The following XPO6 variants were observed in gnomAD, a reference collection of about 807,000 sequenced individuals.
The protein encoded by XPO6 is exportin-6.
XPO6 carries 3 observed loss-of-function variants against 130.0 expected under a neutral mutation model. The ratio of observed to expected loss-of-function variants is 0.02; its 90% confidence interval spans 0.01 to 0.06. XPO6 has a LOEUF of 0.06. Among genes scored for constraint, XPO6 ranks in the 10% least tolerant of loss-of-function variants. The pLI is 1.00. For missense variants in XPO6, 970 were observed against 1,393.0 expected, an observed-to-expected ratio of 0.70 and a Z score of 4.83; for synonymous variants, 524 against 548.9, an observed-to-expected ratio of 0.95 and a Z score of 0.63.
chr16:28,181,043 A>G lies in XPO6; in HGVS notation c.4-12T>C. On this transcript the variant is annotated splice_polypyrimidine_tract_variant and intron_variant, in intron 1 of 23. Coordinates refer to ENST00000304658, the MANE Select transcript of XPO6 (RefSeq NM_015171.4). ...GCTTCTTCAGATGCCTAACAAAGGA[A>G]TTTGAAAAAAAATCAATAAGCTGCA... 2 of 1,602,066 alleles carry G rather than the reference A, an allele frequency of 1.2e-6. No homozygotes were observed.
chr16:28,165,053 CA>C (rs576523429), intron 6 of XPO6, among the ~76,000 whole-genome samples: 1 of 151,970 alleles, frequency 6.6e-6, no homozygotes, highest in Non-Finnish European at 1.5e-5. Context: ...CCCGTCTCTA[CA>C]AAAAATACAA....
At chr16:28,117,156 G>T in intron 15 of XPO6, 162 bp downstream of exon 15, 1 of 919,034 alleles carries the variant, frequency 1.1e-6, no homozygotes. Flanking sequence ...AATGCATGTA[G>T]GCTACAACTA....
intron 9 of XPO6, among the ~76,000 whole-genome samples, chr16:28,138,857 G>A (rs1237355921): frequency 6.6e-6 from 1 of 152,132 alleles, no homozygotes; most frequent in Non-Finnish European, 1.5e-5. Context: ...CACGCCTAAT[G>A]GTAGAACAAA....
intron 4 of XPO6, among the ~76,000 whole-genome samples, chr16:28,171,984 C>G (rs1006075139): frequency 1.3e-5 from 2 of 152,094 alleles, no homozygotes; most frequent in African/African-American, 4.8e-5. Flanking sequence ...GGAAATGACT[C>G]GTAATGCCAA....
At chr16:28,121,595 T>C in intron 14 of XPO6, 75 bp downstream of exon 14, 1 of 1,136,258 alleles carries the variant, frequency 8.8e-7, no homozygotes, top group Non-Finnish European at 1.3e-6. Context: ...CTGTTCCTTT[T>C]TCTCAATCAA....
chr16:28,168,802 T>G (rs2043402224), intron 5 of XPO6, among the ~76,000 whole-genome samples: 2 of 148,524 alleles, frequency 1.3e-5, no homozygotes, highest in Admixed American at 6.8e-5. Flanking sequence ...TTTCCAGAAA[T>G]GGGGGTCTCA....
intron 1 of XPO6, among the ~76,000 whole-genome samples, chr16:28,206,111 T>C (rs913043830): frequency 2.7e-5 from 4 of 149,222 alleles, no homozygotes; most frequent in African/African-American, 7.5e-5. Flanking sequence ...GGTTCATAGA[T>C]GTAAGATGCC....
At chr16:28,179,369 C>T (rs1227336014) in intron 2 of XPO6, 1 of 152,122 alleles carries the variant, frequency 6.6e-6, no homozygotes, top group African/African-American at 2.4e-5. Context: ...TAGTCAAAAA[C>T]ATTATTTTAA....
intron 6 of XPO6, among the ~76,000 whole-genome samples, chr16:28,159,712 T>C (rs564534689): frequency 1.1e-4 from 17 of 152,194 alleles, no homozygotes; most frequent in Non-Finnish European, 2.4e-4. Flanking sequence ...TCAAAATACA[T>C]GGTCTAAAAT....
chr16:28,099,424 C>G (rs1490192292), intron 23 of XPO6, among the ~76,000 whole-genome samples: 1 of 152,244 alleles, frequency 6.6e-6, no homozygotes, highest in Non-Finnish European at 1.5e-5. Flanking sequence ...CAAAGCCTGC[C>G]TCTTCCCAAA....
intron 1 of XPO6, among the ~76,000 whole-genome samples, chr16:28,184,946 T>C (rs2043671227): frequency 6.6e-6 from 1 of 152,148 alleles, no homozygotes; most frequent in Non-Finnish European, 1.5e-5. Context: ...AATTTTTACA[T>C]GTATACCAAA....
intron 1 of XPO6, among the ~76,000 whole-genome samples, chr16:28,193,012 C>G (rs77194779): frequency 6.6e-6 from 1 of 152,282 alleles, no homozygotes; most frequent in East Asian, 1.9e-4. Flanking sequence ...CATTCTTCAT[C>G]TGTATTGGCT....
intron 9 of XPO6, among the ~76,000 whole-genome samples, chr16:28,143,314 A>G (rs2042928258): frequency 6.6e-6 from 1 of 152,214 alleles, no homozygotes; most frequent in Non-Finnish European, 1.5e-5. Context: ...TCTATTATTC[A>G]TCATTGCTGT....
intron 1 of XPO6, among the ~76,000 whole-genome samples, chr16:28,200,798 A>G (rs1322402325): frequency 6.6e-6 from 1 of 152,050 alleles, no homozygotes; most frequent in East Asian, 1.9e-4. Context: ...CAGCGTCCTT[A>G]TCTTCCTCAA....
At chr16:28,140,695 T>A (rs28683182) in intron 9 of XPO6, among the ~76,000 whole-genome samples, 6 of 87,240 alleles carry the variant, frequency 6.9e-5, no homozygotes, top group Non-Finnish European at 8.6e-5. Flanking sequence ...AAAAAAAAAT[T>A]TTTTTTGAGG....
chr16:28,127,578 T>C (rs1259890681), intron 12 of XPO6, among the ~76,000 whole-genome samples: 1 of 152,104 alleles, frequency 6.6e-6, no homozygotes, highest in Non-Finnish European at 1.5e-5. Context: ...TACTGGCATG[T>C]ATTACTGACA....
intron 1 of XPO6, among the ~76,000 whole-genome samples, chr16:28,208,140 C>T (rs1304439793): frequency 6.6e-6 from 1 of 151,808 alleles, no homozygotes; most frequent in African/African-American, 2.4e-5. Flanking sequence ...AGCGAGACTC[C>T]GTCTCAAAAA....
At position 28,199,809 on chromosome 16, in the gene XPO6, G is replaced by A. The variant is rs527571101; in HGVS notation, c.3+11557C>T. Among the ~76,000 whole-genome samples, 19 of 151,814 alleles carry A rather than the reference G, an allele frequency of 1.3e-4. No homozygotes were observed. In the South Asian group the frequency reaches 4.0e-3, roughly 32 times the overall value. Reference sequence around the variant, plus strand: ...TCTGCCCACCTTGGCCTCCCAAAGTGCTAGGATTACAGGCATGAGCCACTG... The same window carrying A: ...TCTGCCCACCTTGGCCTCCCAAAGTACTAGGATTACAGGCATGAGCCACTG... On this transcript the variant is annotated intron_variant, in intron 1 of 23. Coordinates refer to ENST00000304658, the MANE Select transcript of XPO6 (RefSeq NM_015171.4).
intron 9 of XPO6, among the ~76,000 whole-genome samples, chr16:28,142,931 A>C (rs2042920782): frequency 6.6e-6 from 1 of 152,166 alleles, no homozygotes; most frequent in African/African-American, 2.4e-5. Flanking sequence ...GGCTGGTCTC[A>C]AACTCCTGCC....
Sources: gnomAD v4.1 joint callset for allele counts (sites outside exome capture counted in the v4.1 genomes callset) on GRCh38, gnomAD v4.1.1 for gene constraint, MANE v1.5 for transcripts, NCBI Gene and HGNC (gene_info 2026-07-23, HGNC 2026-07-21) for gene names.